ASB5: variants seen among roughly 807,000 people sequenced by gnomAD.
The protein encoded by ASB5 is ankyrin repeat and SOCS box protein 5.
In ASB5, 45 loss-of-function variants were observed where a neutral mutation model predicts 42.1. The observed-to-expected ratio is 1.07, with a 90% CI of 0.84 to 1.37. The LOEUF (loss-of-function observed/expected upper bound fraction) is 1.37. ASB5 is among the 40% of genes most tolerant of loss of function. ASB5 has a pLI of 0.00. For missense variants in ASB5, 402 were observed against 399.8 expected (o/e 1.01, Z -0.05); for synonymous variants, 147 against 150.6 (o/e 0.98, Z 0.18).
intron 1 of ASB5, among the ~76,000 whole-genome samples, chr4:176,246,787 C>T (rs1010086798): frequency 6.6e-6 from 1 of 152,138 alleles, no homozygotes; most frequent in Non-Finnish European, 1.5e-5. Flanking sequence ...AATTGAAAAA[C>T]AAAAATGAAC....
intron 2 of ASB5, among the ~76,000 whole-genome samples, chr4:176,224,467 T>C (rs1244591123): frequency 1.3e-5 from 2 of 152,024 alleles, no homozygotes; most frequent in Non-Finnish European, 2.9e-5. Context: ...ACTCCTGACC[T>C]CAGGTGATCC....
At chr4:176,264,831 A>G (rs780375264) in intron 1 of ASB5, among the ~76,000 whole-genome samples, 2 of 151,940 alleles carry the variant, frequency 1.3e-5, no homozygotes, top group Admixed American at 6.6e-5. Flanking sequence ...CTTTCTGCCA[A>G]TTTAAAGGCT....
chr4:176,219,496 GTATGATATATAAA>G (rs1753121960), intron 5 of ASB5, among the ~76,000 whole-genome samples: 1 of 61,194 alleles, frequency 1.6e-5, no homozygotes, highest in Non-Finnish European at 3.1e-5. Flanking sequence ...ATATATATTT[GTATGATATATAAA>G]TATATATATT....
chr4:176,251,164 G>A (rs1350142274), intron 1 of ASB5, among the ~76,000 whole-genome samples: 1 of 151,528 alleles, frequency 6.6e-6, no homozygotes, highest in East Asian at 2.0e-4. Context: ...TTTTATCACC[G>A]CTTAACCATG....
At chr4:176,267,209 T>C (rs1754374531) in intron 1 of ASB5, among the ~76,000 whole-genome samples, 1 of 152,236 alleles carries the variant, frequency 6.6e-6, no homozygotes, top group Admixed American at 6.5e-5. Context: ...CTCGTGTATC[T>C]GCAAATATGG....
upstream of ASB5, among the ~76,000 whole-genome samples, chr4:176,270,042 T>C (rs1754440017): frequency 6.6e-6 from 1 of 152,240 alleles, no homozygotes; most frequent in Non-Finnish European, 1.5e-5. Context: ...ATATGTTTTA[T>C]TCATTAATGA....
At chr4:176,272,038 A>C (rs982221451), upstream of ASB5, among the ~76,000 whole-genome samples, 1 of 151,998 alleles carries the variant, frequency 6.6e-6, no homozygotes, top group Non-Finnish European at 1.5e-5. Context: ...AACCTAAATT[A>C]CTCCAGTAAG....
chr4:176,276,259 T>C (rs1026329661), intron 1 of ASB5, among the ~76,000 whole-genome samples: 5 of 152,222 alleles, frequency 3.3e-5, no homozygotes, highest in Admixed American at 6.5e-5. Flanking sequence ...TAATTATTAC[T>C]TTTACTTTGT....
chr4:176,224,472 T>C (rs775074038), intron 2 of ASB5, among the ~76,000 whole-genome samples: 3 of 151,950 alleles, frequency 2.0e-5, no homozygotes, highest in Non-Finnish European at 2.9e-5. Context: ...TGACCTCAGG[T>C]GATCCACATG....
chr4:176,241,771 T>TTAA, intron 1 of ASB5: 1 of 842,748 alleles, frequency 1.2e-6, no homozygotes, highest in Non-Finnish European at 1.6e-6. Flanking sequence ...GTTCCAAAGG[T>TTAA]CATTCATTTA....
At position 176,221,580 on chromosome 4, in the gene ASB5, A is replaced by G. The variant is rs139145486; in HGVS notation, c.405T>C (p.Asp135=). 2.3e-4 allele frequency: 363 copies of G among 1,612,878 alleles called. No individual in the cohort carries two copies. In the African/African-American group the frequency reaches 4.5e-3, roughly 20 times the overall value. ...AGANVNAITI[D]GVTPLFNACS... The stretch of plus-strand genomic sequence containing the variant: ...ATGCGTTGAATAACGGAGTCACGCC[A>G]TCTATCGTGATTGCATTTACCTAAA... Residue 135 remains aspartate, a synonymous_variant, in exon 4 of 7, where the codon GAT becomes GAC. Transcript: ENST00000296525.
intron 1 of ASB5, among the ~76,000 whole-genome samples, chr4:176,247,761 A>C (rs994757651): frequency 6.6e-6 from 1 of 152,248 alleles, no homozygotes; most frequent in African/African-American, 2.4e-5. Context: ...GAATTCCACA[A>C]AAAGTCTTAA....
At chr4:176,218,759 T>C (rs868612203) in intron 5 of ASB5, among the ~76,000 whole-genome samples, 2 of 28,174 alleles carry the variant, frequency 7.1e-5, no homozygotes, top group African/African-American at 1.4e-4. Flanking sequence ...ATTTGTATGA[T>C]ATATAAATAT....
At chr4:176,224,730 G>T (rs1561254073) in intron 2 of ASB5, among the ~76,000 whole-genome samples, 3 of 151,964 alleles carry the variant, frequency 2.0e-5, no homozygotes, top group South Asian at 4.1e-4. Flanking sequence ...AAGCCAAAGT[G>T]TTTTCTGTTT....
rs1752920758 is a variant in ASB5, at chr4:176,214,752, A to AT, written c.*847dup. 6.6e-6 allele frequency: 1 copy of AT among 152,070 alleles called. No individual in the cohort carries two copies. 9.4% of individuals were successfully genotyped at this position (152,070 alleles called of 1,614,324 possible). On this transcript the variant is annotated 3_prime_UTR_variant, in exon 7 of 7. Coordinates refer to ENST00000296525, the MANE Select transcript of ASB5 (RefSeq NM_080874.4). ...AATATGATCCAGGGCCTGTTTGTTA[A>AT]TTAGATATATAGTTCATTTTCTTAA...
chr4:176,254,301 A>C (rs990491226), intron 1 of ASB5, among the ~76,000 whole-genome samples: 2 of 152,194 alleles, frequency 1.3e-5, no homozygotes, highest in Non-Finnish European at 2.9e-5. Context: ...TGACAAAAAT[A>C]ACAGTGGGGA....
intron 5 of ASB5, among the ~76,000 whole-genome samples, chr4:176,219,433 AAT>A (rs1225485364): frequency 1.3e-5 from 1 of 78,766 alleles, no homozygotes; most frequent in African/African-American, 4.5e-5. Flanking sequence ...ATGATATATA[AAT>A]ATATATATTT....
At chr4:176,241,683 A>C (rs1753815194) in intron 1 of ASB5, 1 of 1,331,632 alleles carries the variant, frequency 7.5e-7, no homozygotes, top group South Asian at 2.3e-5. Flanking sequence ...GAGTGAGGGC[A>C]GATGAGGTCT....
chr4:176,225,815 C>T (rs1164398263), intron 1 of ASB5, among the ~76,000 whole-genome samples: 1 of 152,138 alleles, frequency 6.6e-6, no homozygotes, highest in East Asian at 1.9e-4. Context: ...GTCTTGAAGT[C>T]CTGACCTCAA....
Sources: allele counts gnomAD v4.1 joint callset (sites outside exome capture counted in the v4.1 genomes callset), GRCh38; gene constraint gnomAD v4.1.1; transcripts MANE v1.5; gene names NCBI Gene and HGNC (gene_info 2026-07-23, HGNC 2026-07-21).